Variants in KIF4A observed in about 807,000 individuals in gnomAD.
The protein encoded by KIF4A is kinesin family member 4A, also known as chromosome-associated kinesin KIF4A.
In KIF4A, 7 loss-of-function variants were observed where a neutral mutation model predicts 105.9. The observed-to-expected ratio is 0.07, with a 90% CI of 0.04 to 0.12. The LOEUF is 0.12. Among genes scored for constraint, KIF4A ranks in the 10% least tolerant of loss-of-function variants. The pLI is 1.00. For missense variants in KIF4A, 558 were observed against 929.2 expected, an observed-to-expected ratio of 0.60 and a Z score of 5.19; for synonymous variants, 281 against 331.3, an observed-to-expected ratio of 0.85 and a Z score of 1.65.
chrX:70,305,899 T>C (rs1297812298), intron 7 of KIF4A, among the ~76,000 whole-genome samples: 1 of 112,176 alleles, frequency 8.9e-6, no homozygotes, highest in Non-Finnish European at 1.9e-5. Context: ...GATTTGCTTG[T>C]TATTATGCCT....
intron 7 of KIF4A, among the ~76,000 whole-genome samples, chrX:70,314,892 T>C (rs1034015506): frequency 4.5e-5 from 5 of 110,981 alleles, no homozygotes; most frequent in Non-Finnish European, 9.4e-5. Context: ...AATAGATTTG[T>C]CCGTTGAGGT....
chrX:70,361,570 AG>A (rs2086075627), intron 15 of KIF4A: 2 of 166,709 alleles, frequency 1.2e-5, no homozygotes, highest in African/African-American at 6.1e-5. Flanking sequence ...TGTCTCGAAG[AG>A]CTGTGTTGGA....
chrX:70,413,645 A>AG (rs2086331630), intron 28 of KIF4A, among the ~76,000 whole-genome samples: 1 of 106,655 alleles, frequency 9.4e-6, no homozygotes, highest in Non-Finnish European at 1.9e-5. Flanking sequence ...AAAAAAAAAA[A>AG]GAGTGCTTGG....
At chrX:70,338,416 C>CT (rs2085959146) in intron 10 of KIF4A, among the ~76,000 whole-genome samples, 1 of 112,066 alleles carries the variant, frequency 8.9e-6, no homozygotes, top group Non-Finnish European at 1.9e-5. Context: ...AGGATGTAGT[C>CT]TTTTTTTGTC....
rs757454323 is a variant in KIF4A at position 70,336,429 on chromosome X, C to T, written c.1133+2740C>T. The stretch of plus-strand genomic sequence containing the variant: ...ACATTTCTACCTTTATAAGGTATTG[C>T]CATATTTGCCTCCAGAAGAGATGTA... On this transcript the variant is annotated intron_variant, in intron 10 of 30. Coordinates refer to ENST00000374403, the MANE Select transcript of KIF4A (RefSeq NM_012310.5). Among the ~76,000 whole-genome samples the T allele has an allele frequency of 3.6e-5, 4 of 111,612 alleles. No individual in the cohort carries two copies. In the East Asian group the frequency reaches 1.1e-3, roughly 31 times the overall value.
chrX:70,380,543 C>T (rs946935400), intron 18 of KIF4A, among the ~76,000 whole-genome samples: 3 of 111,599 alleles, frequency 2.7e-5, no homozygotes, highest in Non-Finnish European at 3.8e-5. Flanking sequence ...TAATAAAGGG[C>T]GTGTATGAAA....
chrX:70,293,964 C>A (rs2085770781), intron 3 of KIF4A, among the ~76,000 whole-genome samples: 1 of 112,222 alleles, frequency 8.9e-6, no homozygotes, highest in Non-Finnish European at 1.9e-5. Context: ...TTAACCTTCG[C>A]TTATTATACG....
At chrX:70,301,754 A>T in intron 5 of KIF4A, 146 bp from the exon 6 acceptor site, 1 of 565,842 alleles carries the variant, frequency 1.8e-6, no homozygotes, top group Non-Finnish European at 2.8e-6. Flanking sequence ...CAGAGTTGCC[A>T]GTTAAAGCAG....
At chrX:70,380,216 G>A (rs2086192022) in intron 18 of KIF4A, among the ~76,000 whole-genome samples, 1 of 110,869 alleles carries the variant, frequency 9.0e-6, no homozygotes, top group Non-Finnish European at 1.9e-5. Context: ...GCTGAGGCAC[G>A]AGAATTGCTT....
At chrX:70,319,003 G>A (rs990032707) in intron 7 of KIF4A, among the ~76,000 whole-genome samples, 4 of 111,526 alleles carry the variant, frequency 3.6e-5, no homozygotes, top group Admixed American at 9.5e-5. Flanking sequence ...GGTGGCTCGC[G>A]CCTGTAATCC....
At chrX:70,311,134 A>G (rs920342079) in intron 7 of KIF4A, among the ~76,000 whole-genome samples, 4 of 109,839 alleles carry the variant, frequency 3.6e-5, no homozygotes, top group African/African-American at 6.6e-5. Context: ...TAAAAAAAAA[A>G]AAGAAGAAGA....
intron 15 of KIF4A, among the ~76,000 whole-genome samples, chrX:70,364,322 G>A (rs12838317): frequency 9.0e-5 from 10 of 110,600 alleles, no homozygotes; most frequent in East Asian, 2.8e-4. Flanking sequence ...GCCCATGCCT[G>A]TGTCCTGAAT....
chrX:70,328,556 A>G (rs780261991), intron 7 of KIF4A, among the ~76,000 whole-genome samples: 1 of 112,052 alleles, frequency 8.9e-6, no homozygotes, highest in African/African-American at 3.2e-5. Context: ...TTATCATTTA[A>G]CTTTGCTTCA....
chrX:70,386,708 A>G lies in KIF4A; in HGVS notation c.2118+7A>G, dbSNP rs187401737. On this transcript the variant is annotated splice_region_variant and intron_variant, in intron 19 of 30. Transcript: ENST00000374403. ...CAGACGTAAAACGGAGGAGGTAAGA[A>G]AATTCAATCTGCTAGGTCAAGTGTA... 3,801 of 1,144,802 alleles carry G rather than the reference A, an allele frequency of 3.3e-3. 5 individuals carry two copies. Among genetic ancestry groups the G allele is most frequent in the Non-Finnish European group, 4.2e-3 (3,517 of 835,795 alleles). 94.3% of individuals were successfully genotyped at this position (1,144,802 alleles called of 1,213,427 possible).
rs1458715775 is a variant in KIF4A at position 70,352,631 on chromosome X, T to C, written c.1463T>C (p.Ile488Thr). The change falls in exon 14 of 31, where the codon ATT (isoleucine) becomes ACT (threonine). Residue 488 changes from isoleucine (I) to threonine (T), a missense_variant. Coordinates refer to ENST00000374403, the MANE Select transcript of KIF4A (RefSeq NM_012310.5). ...DETVACMAAA[I>T]DTAVEQEAQV... The stretch of plus-strand genomic sequence containing the variant: ...ACTGTTGCTTGCATGGCTGCAGCCA[T>C]TGATACTGCGGTGGAGCAAGAAGCC... 8.3e-7 allele frequency: 1 copy of C among 1,203,857 alleles called. No homozygotes were observed. The highest frequency in any genetic ancestry group is 1.1e-6 in the Non-Finnish European group (1 of 889,230).
chrX:70,411,623 C>T (rs1478007995), intron 28 of KIF4A, among the ~76,000 whole-genome samples: 2 of 111,048 alleles, frequency 1.8e-5, no homozygotes, highest in Non-Finnish European at 3.8e-5. Context: ...TAGGACTCCA[C>T]CCCCAGATAT....
At position 70,375,316 on chromosome X, in the gene KIF4A, C is replaced by T. The variant is rs778734440; in HGVS notation, c.1891C>T (p.Arg631Cys). ...TCTGAAACTAAAGGAATCCACAGAG[C>T]GTACTGTCTCCAAACTGAACCAGGA... ...KLLKLKESTE[R>C]TVSKLNQEIR... Residue 631 changes from arginine to cysteine, a missense_variant, in exon 17 of 31, where the codon CGT (arginine) becomes TGT (cysteine). This residue lies in a region of KIF4A where 469 missense variants were observed against 680.4 expected (regional missense o/e 0.69). Transcript: ENST00000374403. The T allele has an allele frequency of 1.1e-5, 13 of 1,210,610 alleles. No homozygotes were observed. The highest frequency in any genetic ancestry group is 1.7e-5 in the African/African-American group (1 of 57,746).
chrX:70,294,893 G>A (rs1569227699), intron 3 of KIF4A, among the ~76,000 whole-genome samples: 1 of 112,077 alleles, frequency 8.9e-6, no homozygotes, highest in Admixed American at 9.4e-5. Flanking sequence ...CCAATATGGC[G>A]AAACTCGTCT....
chrX:70,373,521 T>C (rs1360363330), intron 15 of KIF4A, among the ~76,000 whole-genome samples: 2 of 4,000 alleles, frequency 5.0e-4, no homozygotes, highest in South Asian at 0.029. Context: ...CATGTGTGTG[T>C]ATGTATATAT....
Sources: allele counts gnomAD v4.1 joint callset (sites outside exome capture counted in the v4.1 genomes callset), GRCh38; gene constraint gnomAD v4.1.1; regional missense constraint gnomAD v4.1.1; transcripts MANE v1.5; gene names NCBI Gene and HGNC (gene_info 2026-07-23, HGNC 2026-07-21).